NBAS: variants seen among roughly 807,000 people sequenced by gnomAD.
NBAS encodes NBAS subunit of NRZ tethering complex, also known as NAG/BC035112 fusion.
A neutral mutation model predicts 302.5 loss-of-function variants in NBAS; 219 were observed. The observed-to-expected ratio is 0.72, with a 90% CI of 0.65 to 0.81. The LOEUF is 0.81. Ranked by LOEUF, NBAS falls within the 30% of genes least tolerant of loss-of-function variation. NBAS has a pLI of 0.00. For synonymous variants in NBAS, 1,118 were observed against 1,021.6 expected, an observed-to-expected ratio of 1.09 and a Z score of -1.80; for missense variants, 2,932 against 2,841.6, an observed-to-expected ratio of 1.03 and a Z score of -0.72.
chr2:15,208,004 T>C (rs543290334), intron 48 of NBAS, among the ~76,000 whole-genome samples: 1 of 150,830 alleles, frequency 6.6e-6, no homozygotes, highest in Non-Finnish European at 1.5e-5. Flanking sequence ...TAAATATATA[T>C]GCACCCAATG....
chr2:15,103,990 A>G, the NBAS span, among the ~76,000 whole-genome samples: 1 of 152,150 alleles, frequency 6.6e-6, no homozygotes, highest in African/African-American at 2.4e-5. Flanking sequence ...TGGACAGAAT[A>G]GAGGTGATAT....
rs113126857 is a variant in NBAS at position 15,403,422 on chromosome 2, A to G, written c.2938-1121T>C. 4.0e-3 allele frequency among the ~76,000 whole-genome samples: 603 copies of G among 152,314 alleles called. 2 individuals carry two copies. The highest frequency in any genetic ancestry group is 0.014 in the African/African-American group (567 of 41,570). On this transcript the variant is annotated intron_variant, in intron 25 of 51. Coordinates refer to ENST00000281513, the MANE Select transcript of NBAS (RefSeq NM_015909.4). ...GGATTCAACCAGCCATGTATCCAAA[A>G]TATCTGGGGGAAAAAGTGTCTGTAC...
intron 35 of NBAS, among the ~76,000 whole-genome samples, chr2:15,339,748 CAG>C (rs1264316538): frequency 1.3e-5 from 2 of 151,856 alleles, no homozygotes; most frequent in African/African-American, 4.8e-5. Flanking sequence ...CATAATAACA[CAG>C]AGAAAGAGCA....
intron 22 of NBAS, among the ~76,000 whole-genome samples, chr2:15,424,830 C>G (rs1677389244): frequency 6.6e-6 from 1 of 152,192 alleles, no homozygotes; most frequent in Non-Finnish European, 1.5e-5. Context: ...TCAAAATCTC[C>G]TGTGCTGGCC....
At chr2:15,423,226 T>C (rs1370188189) in intron 23 of NBAS, among the ~76,000 whole-genome samples, 1 of 152,204 alleles carries the variant, frequency 6.6e-6, no homozygotes, top group African/African-American at 2.4e-5. Context: ...AAAGATTCAC[T>C]TCATCGTGTT....
At chr2:15,061,149 C>T in the NBAS span, among the ~76,000 whole-genome samples, 2 of 152,214 alleles carry the variant, frequency 1.3e-5, no homozygotes, top group South Asian at 4.1e-4. Flanking sequence ...AGACACAAGA[C>T]TCACGCTCTT....
At chr2:15,049,369 C>T in the NBAS span, among the ~76,000 whole-genome samples, 1 of 152,222 alleles carries the variant, frequency 6.6e-6, no homozygotes, top group South Asian at 2.1e-4. Flanking sequence ...TCATTGTCCT[C>T]TCTGGGGCCT....
the NBAS span, among the ~76,000 whole-genome samples, chr2:14,971,494 G>A: frequency 1.1e-4 from 16 of 152,228 alleles, no homozygotes; most frequent in South Asian, 4.1e-4. Context: ...CAGCCTGGGC[G>A]ACAGAGCGAG....
At chr2:14,985,024 G>A in the NBAS span, among the ~76,000 whole-genome samples, 5 of 152,106 alleles carry the variant, frequency 3.3e-5, no homozygotes, top group African/African-American at 7.2e-5. Flanking sequence ...TGAAAACTTC[G>A]TGAAATTATC....
intron 9 of NBAS, among the ~76,000 whole-genome samples, chr2:15,512,475 A>G (rs912483785): frequency 6.6e-6 from 1 of 152,160 alleles, no homozygotes; most frequent in African/African-American, 2.4e-5. Context: ...GTCTGTGAGT[A>G]TGTTCTATTA....
the NBAS span, among the ~76,000 whole-genome samples, chr2:14,785,085 TG>T: frequency 8.5e-4 from 129 of 152,312 alleles, 2 homozygotes; most frequent in African/African-American, 3.0e-3. Context: ...GAAGCAATTG[TG>T]AATGGGAGTT....
At chr2:15,098,206 T>C in the NBAS span, among the ~76,000 whole-genome samples, 27 of 23,986 alleles carry the variant, frequency 1.1e-3, 5 homozygotes, top group African/African-American at 6.4e-3. Context: ...ATATTGTATA[T>C]AATATATTAT....
chr2:15,348,207 G>A (rs1430939704), intron 35 of NBAS, among the ~76,000 whole-genome samples: 1 of 152,172 alleles, frequency 6.6e-6, no homozygotes, highest in Admixed American at 6.6e-5. Context: ...TGCAGGTTTG[G>A]ACTAGCACTT....
At chr2:15,409,143 C>T (rs1454478955) in intron 25 of NBAS, among the ~76,000 whole-genome samples, 1 of 152,142 alleles carries the variant, frequency 6.6e-6, no homozygotes. Context: ...ATCCATTGTT[C>T]TTAAGAAGTC....
chr2:15,350,247 A>G (rs1485250193), intron 35 of NBAS, among the ~76,000 whole-genome samples: 1 of 152,190 alleles, frequency 6.6e-6, no homozygotes, highest in East Asian at 1.9e-4. Flanking sequence ...AGAGTACACA[A>G]ATACTAATGA....
chr2:15,323,434 A>T (rs1671913215), intron 38 of NBAS, among the ~76,000 whole-genome samples: 1 of 152,218 alleles, frequency 6.6e-6, no homozygotes. Context: ...TGAGAAGCTC[A>T]GAGAGTTAAG....
the NBAS span, among the ~76,000 whole-genome samples, chr2:15,049,634 T>C: frequency 0.48 from 73,144 of 152,100 alleles, 20,090 homozygotes; most frequent in African/African-American, 0.77. Context: ...GGAAATGGTG[T>C]TGAATTCCCA....
At chr2:15,292,175 A>T (rs1038662746) in intron 41 of NBAS, among the ~76,000 whole-genome samples, 2 of 152,154 alleles carry the variant, frequency 1.3e-5, no homozygotes, top group Non-Finnish European at 2.9e-5. Context: ...GGGTTTTGCC[A>T]TGTTGGCCAG....
the NBAS span, among the ~76,000 whole-genome samples, chr2:14,826,536 C>A: frequency 2.6e-5 from 4 of 152,200 alleles, no homozygotes; most frequent in African/African-American, 9.6e-5. Flanking sequence ...AAATTCCAAG[C>A]CATGCCAATC....
Sources: gnomAD v4.1 joint callset for allele counts (sites outside exome capture counted in the v4.1 genomes callset) on GRCh38, gnomAD v4.1.1 for gene constraint, MANE v1.5 for transcripts, NCBI Gene and HGNC (gene_info 2026-07-23, HGNC 2026-07-21) for gene names.